The following CRTAM variants were observed in gnomAD, a reference collection of about 807,000 sequenced individuals.
CRTAM encodes the protein cytotoxic and regulatory T cell molecule, also known as cytotoxic and regulatory T-cell molecule.
In CRTAM, 44 loss-of-function variants were observed where a neutral mutation model predicts 50.0. The ratio of observed to expected loss-of-function variants is 0.88; its 90% CI spans 0.69 to 1.13. The LOEUF (loss-of-function observed/expected upper bound fraction) is 1.13. CRTAM is among the 50% of genes most tolerant of loss of function. The probability of loss-of-function intolerance (pLI) is 0.00; values close to 1 mark genes in which losing one functional copy is unlikely to be tolerated. For missense variants in CRTAM, 448 were observed against 457.5 expected (o/e 0.98, Z 0.19); for synonymous variants, 159 against 169.3 (o/e 0.94, Z 0.47).
At chr11:122,845,346 A>G (rs1483246204) in intron 1 of CRTAM, among the ~76,000 whole-genome samples, 1 of 152,214 alleles carries the variant, frequency 6.6e-6, no homozygotes, top group Non-Finnish European at 1.5e-5. Flanking sequence ...AGTGGAGTTG[A>G]AAACCTGGTC....
intron 5 of CRTAM, among the ~76,000 whole-genome samples, chr11:122,857,020 A>G (rs1862015883): frequency 1.3e-5 from 2 of 152,314 alleles, no homozygotes; most frequent in Admixed American, 6.5e-5. Context: ...AGGTTCTTCA[A>G]TAGGAGAACC....
chr11:122,856,364 C>G, intron 5 of CRTAM, among the ~76,000 whole-genome samples: 1 of 152,144 alleles, frequency 6.6e-6, no homozygotes, highest in East Asian at 1.9e-4. Flanking sequence ...AGTTGAACAC[C>G]ATTTTAAACA....
chr11:122,849,187 C>A (rs1199053262), intron 1 of CRTAM, among the ~76,000 whole-genome samples: 1 of 152,226 alleles, frequency 6.6e-6, no homozygotes, highest in East Asian at 1.9e-4. Context: ...TTATAACATT[C>A]TTTCTTAGAA....
At chr11:122,858,780 G>A (rs1284944177) in intron 5 of CRTAM, among the ~76,000 whole-genome samples, 1 of 151,920 alleles carries the variant, frequency 6.6e-6, no homozygotes, top group East Asian at 1.9e-4. Flanking sequence ...CTCCCTCATC[G>A]GCCACCCAAA....
chr11:122,855,588 G>A, intron 4 of CRTAM, 107 bp from the exon 5 acceptor site: 1 of 913,310 alleles, frequency 1.1e-6, no homozygotes, highest in South Asian at 1.7e-5. Flanking sequence ...GTTAGAATGA[G>A]GTTAGAAATC....
intron 2 of CRTAM, 124 bp from the exon 3 acceptor site, chr11:122,851,569 C>A: frequency 1.2e-6 from 1 of 846,200 alleles, no homozygotes; most frequent in Non-Finnish European, 1.9e-6. Context: ...AGGACAATGT[C>A]TGGAGATAGT....
chr11:122,865,410 C>CT (rs375100814), intron 7 of CRTAM, among the ~76,000 whole-genome samples: 2,201 of 61,274 alleles, frequency 0.036, 52 homozygotes, highest in African/African-American at 0.067. Context: ...AGATTTCTCT[C>CT]TTTTTTTTTT....
chr11:122,860,296 C>T (rs1407652082), intron 5 of CRTAM, among the ~76,000 whole-genome samples: 12 of 152,220 alleles, frequency 7.9e-5, no homozygotes, highest in East Asian at 3.9e-4. Context: ...GTGATCTGCC[C>T]GCCTTCACCT....
intron 1 of CRTAM, among the ~76,000 whole-genome samples, chr11:122,839,019 C>T (rs577366770): frequency 6.6e-6 from 1 of 152,280 alleles, no homozygotes; most frequent in Admixed American, 6.5e-5. Context: ...AGCTCCGCCT[C>T]CCGGGTTCAC....
chr11:122,857,234 C>T (rs987510388), intron 5 of CRTAM, among the ~76,000 whole-genome samples: 6 of 152,026 alleles, frequency 3.9e-5, no homozygotes, highest in Non-Finnish European at 7.4e-5. Context: ...TTTGGGAAGC[C>T]GAGGCGGGCA....
rs777065254 is a variant in CRTAM, at chr11:122,853,986, G to A, written c.390G>A (p.Lys130=). ...TCCTGGAAGCTTCAGTTATCAGAAA[G>A]CAAAATGGAGAAGAACATGTTGTAC... ...KPILEASVIR[K]QNGEEHVVLM... The change falls in exon 4 of 10, where the codon AAG becomes AAA. Residue 130 remains lysine (K), a synonymous_variant. Coordinates refer to ENST00000227348, the MANE Select transcript of CRTAM (RefSeq NM_019604.4). 30 of 1,613,956 alleles carry A rather than the reference G, an allele frequency of 1.9e-5. No homozygotes were observed. Among genetic ancestry groups the A allele is most frequent in the South Asian group, 1.6e-4 (15 of 91,060 alleles).
intron 5 of CRTAM, among the ~76,000 whole-genome samples, chr11:122,861,430 T>A (rs1240013618): frequency 2.4e-5 from 2 of 82,310 alleles, no homozygotes; most frequent in East Asian, 2.7e-4. Context: ...ATTTTTTTTT[T>A]TTTTTTTTTT....
chr11:122,854,054 C>A lies in CRTAM; in HGVS notation c.458C>A (p.Thr153Asn), dbSNP rs1376370631. The A allele has an allele frequency of 6.2e-7, 1 of 1,613,946 alleles. No homozygotes were observed. Among genetic ancestry groups the A allele is most frequent in the Non-Finnish European group, 8.5e-7 (1 of 1,179,914 alleles). Reference sequence around the variant, plus strand: ...AGAAGCAAGCCCCCTCCGCAGATAACCTGGCTACTTGGGAATAGCATGGAA... The same window carrying A: ...AGAAGCAAGCCCCCTCCGCAGATAAACTGGCTACTTGGGAATAGCATGGAA... ...TMRSKPPPQITWLLGNSMEVS... is the reference protein window; with the variant it reads ...TMRSKPPPQINWLLGNSMEVS... The change falls in exon 4 of 10, where the codon ACC becomes AAC. Residue 153 changes from threonine (T) to asparagine (N), a missense_variant. Thr to Asn is a moderately conservative substitution (Grantham distance 65). Coordinates refer to ENST00000227348, the MANE Select transcript of CRTAM (RefSeq NM_019604.4).
intron 9 of CRTAM, among the ~76,000 whole-genome samples, chr11:122,869,645 G>A (rs543060913): frequency 3.3e-5 from 5 of 152,152 alleles, no homozygotes; most frequent in East Asian, 1.9e-4. Flanking sequence ...TATTCTACCC[G>A]CCAGGAGCTG....
At chr11:122,844,073 C>T (rs1332984914) in intron 1 of CRTAM, among the ~76,000 whole-genome samples, 1 of 152,160 alleles carries the variant, frequency 6.6e-6, no homozygotes, top group Non-Finnish European at 1.5e-5. Context: ...CAGCCCTTTC[C>T]ATATGAAACT....
At chr11:122,862,002 C>G (rs1404857374) in intron 5 of CRTAM, among the ~76,000 whole-genome samples, 2 of 150,834 alleles carry the variant, frequency 1.3e-5, no homozygotes, top group Non-Finnish European at 3.0e-5. Context: ...GTCAGTATCT[C>G]CATTTTACAG....
At chr11:122,866,933 C>T (rs1025056472) in intron 7 of CRTAM, among the ~76,000 whole-genome samples, 1 of 152,130 alleles carries the variant, frequency 6.6e-6, no homozygotes, top group African/African-American at 2.4e-5. Flanking sequence ...ACAAGCTCAT[C>T]TGATTTAGCC....
chr11:122,847,768 G>A (rs1170010508), intron 1 of CRTAM, among the ~76,000 whole-genome samples: 3 of 152,250 alleles, frequency 2.0e-5, no homozygotes, highest in Admixed American at 6.5e-5. Flanking sequence ...ACATGTGGCT[G>A]TTGGCAAGTG....
chr11:122,869,024 AAAAT>A (rs1222556042), intron 9 of CRTAM, among the ~76,000 whole-genome samples: 2 of 152,308 alleles, frequency 1.3e-5, no homozygotes, highest in East Asian at 3.9e-4. Context: ...AATAAAAATA[AAAAT>A]AAATAAAAAG....
Sources: gnomAD v4.1 joint callset for allele counts (sites outside exome capture counted in the v4.1 genomes callset) on GRCh38, gnomAD v4.1.1 for gene constraint, MANE v1.5 for transcripts, NCBI Gene and HGNC (gene_info 2026-07-23, HGNC 2026-07-21) for gene names.